SH2D4A: variants seen among roughly 807,000 people sequenced by gnomAD.
SH2D4A encodes the protein SH2 domain-containing protein 4A.
Under a neutral mutation model 64.7 loss-of-function variants are expected in SH2D4A, and 70 were observed. That is an observed-to-expected ratio of 1.08 (90% CI 0.89 to 1.32). The LOEUF (loss-of-function observed/expected upper bound fraction) is 1.32, where lower values mean the gene tolerates loss of function less well. SH2D4A is among the 40% of genes most tolerant of loss of function. The probability of loss-of-function intolerance (pLI) is 0.00; values close to 1 mark genes in which losing one functional copy is unlikely to be tolerated. For missense variants in SH2D4A, 706 were observed against 540.1 expected (o/e 1.31, Z -3.04); for synonymous variants, 268 against 200.7 (o/e 1.34, Z -2.83).
intron 4 of SH2D4A, among the ~76,000 whole-genome samples, chr8:19,354,496 G>A (rs577417771): frequency 6.6e-6 from 1 of 152,168 alleles, no homozygotes; most frequent in Non-Finnish European, 1.5e-5. Context: ...TCTGGAGTAC[G>A]TGTCTGTGCT....
chr8:19,390,614 T>C (rs2053475913), intron 8 of SH2D4A, among the ~76,000 whole-genome samples: 1 of 152,164 alleles, frequency 6.6e-6, no homozygotes, highest in Admixed American at 6.5e-5. Flanking sequence ...AGTAATCCTC[T>C]TACAAAGCAA....
chr8:19,392,687 A>T (rs1164197536), intron 8 of SH2D4A, among the ~76,000 whole-genome samples: 1 of 152,104 alleles, frequency 6.6e-6, no homozygotes, highest in African/African-American at 2.4e-5. Flanking sequence ...AAACCGTCTA[A>T]CACCTGTGTG....
chr8:19,320,302 A>G (rs1261244247), intron 2 of SH2D4A, among the ~76,000 whole-genome samples: 1 of 152,118 alleles, frequency 6.6e-6, no homozygotes, highest in Non-Finnish European at 1.5e-5. Context: ...GGTTCTTTTG[A>G]GACCATGGGG....
intron 8 of SH2D4A, 98 bp from the exon 9 acceptor site, chr8:19,393,220 A>G: frequency 9.5e-7 from 1 of 1,052,530 alleles, no homozygotes; most frequent in African/African-American, 1.6e-5. Context: ...TGTCTTATTT[A>G]GGCGTCATTG....
chr8:19,314,101 C>T, intron 1 of SH2D4A: 1 of 629,278 alleles, frequency 1.6e-6, no homozygotes, highest in South Asian at 6.9e-5. Context: ...TCCCCGGGGC[C>T]TGGGGGCTTG....
At chr8:19,374,460 T>C (rs1423597199) in intron 8 of SH2D4A, among the ~76,000 whole-genome samples, 1 of 152,190 alleles carries the variant, frequency 6.6e-6, no homozygotes, top group Non-Finnish European at 1.5e-5. Context: ...CAGAGTATGT[T>C]TGTCCTAAGC....
chr8:19,384,717 A>G (rs1431643517), intron 8 of SH2D4A, among the ~76,000 whole-genome samples: 3 of 152,208 alleles, frequency 2.0e-5, no homozygotes, highest in Admixed American at 2.0e-4. Context: ...TTTACCCACT[A>G]ACATGCTTTT....
intron 8 of SH2D4A, among the ~76,000 whole-genome samples, chr8:19,389,202 G>A (rs569703930): frequency 6.6e-6 from 1 of 152,208 alleles, no homozygotes; most frequent in Admixed American, 6.5e-5. Flanking sequence ...GGCAGTCCCT[G>A]CCACTTGGAT....
At chr8:19,384,223 G>A (rs2153651487) in intron 8 of SH2D4A, among the ~76,000 whole-genome samples, 1 of 152,288 alleles carries the variant, frequency 6.6e-6, no homozygotes, top group African/African-American at 2.4e-5. Context: ...GAAGGACAGA[G>A]GGTCAACACC....
At chr8:19,389,224 G>A (rs191639224) in intron 8 of SH2D4A, among the ~76,000 whole-genome samples, 1 of 152,342 alleles carries the variant, frequency 6.6e-6, no homozygotes, top group East Asian at 1.9e-4. Flanking sequence ...TCCAACCAGA[G>A]CCTGCTGGTG....
intron 2 of SH2D4A, among the ~76,000 whole-genome samples, chr8:19,328,582 C>T (rs78931888): frequency 1.3e-5 from 2 of 152,054 alleles, no homozygotes; most frequent in Non-Finnish European, 2.9e-5. Flanking sequence ...GACCCCTAGT[C>T]TCTCCCCATT....
intron 2 of SH2D4A, among the ~76,000 whole-genome samples, chr8:19,328,534 C>A (rs1375950389): frequency 2.6e-5 from 4 of 152,084 alleles, no homozygotes; most frequent in African/African-American, 9.7e-5. Context: ...CCTATGCCTG[C>A]CCTATTTAGG....
Position 19,369,504 on chromosome 8 carries a change from T to C in SH2D4A, c.918-4026T>C, listed in dbSNP as rs576797153. On this transcript the variant is annotated intron_variant, in intron 7 of 9. Coordinates refer to ENST00000265807, the MANE Select transcript of SH2D4A (RefSeq NM_022071.4). The stretch of plus-strand genomic sequence containing the variant: ...ATAGGACACTTTATTAATGATTCAG[T>C]CTCGTTAGTCATTATTGGTCTGTTA... 6.6e-5 allele frequency among the ~76,000 whole-genome samples: 10 copies of C among 152,176 alleles called. 1 individual carries two copies. The highest frequency in any genetic ancestry group is 2.4e-4 in the African/African-American group (10 of 41,562).
chr8:19,359,379 C>A, intron 5 of SH2D4A, among the ~76,000 whole-genome samples: 1 of 152,164 alleles, frequency 6.6e-6, no homozygotes, highest in East Asian at 1.9e-4. Flanking sequence ...AGAATCATGT[C>A]ATGTTCCAAA....
In SH2D4A at chr8:19,357,276, T is replaced by C; in HGVS notation, c.587T>C (p.Phe196Ser). The change falls in exon 5 of 10, where the codon TTT becomes TCT. Residue 196 changes from phenylalanine to serine, a missense_variant. By Grantham distance (155) the Phe-to-Ser change is radical. Transcript: ENST00000265807. ...DSINRMKAYA[F>S]HQKKESMKKK... is the part of the protein sequence containing the mutation. ...ATCAATCGTATGAAGGCATATGCAT[T>C]TCACCAGGTAAAAGACTTCCCTTCT... 4.3e-6 allele frequency: 7 copies of C among 1,612,644 alleles called. No homozygotes were observed. Among genetic ancestry groups the C allele is most frequent in the Non-Finnish European group, 5.9e-6 (7 of 1,178,660 alleles).
chr8:19,318,342 G>T (rs140970288), intron 1 of SH2D4A, among the ~76,000 whole-genome samples: 1,767 of 152,326 alleles, frequency 0.012, 22 homozygotes, highest in Middle Eastern at 0.024. Context: ...GATTACAAAA[G>T]TATGATGGTT....
intron 8 of SH2D4A, among the ~76,000 whole-genome samples, chr8:19,376,008 C>T (rs945640848): frequency 1.3e-5 from 2 of 152,160 alleles, no homozygotes; most frequent in Non-Finnish European, 2.9e-5. Flanking sequence ...GCCTCCCTTC[C>T]ATCCCTCAGA....
chr8:19,369,158 C>T (rs1344518721), intron 7 of SH2D4A, among the ~76,000 whole-genome samples: 1 of 152,074 alleles, frequency 6.6e-6, no homozygotes, highest in Non-Finnish European at 1.5e-5. Flanking sequence ...GTTGAACCAT[C>T]CTTGCGTCCC....
chr8:19,376,632 A>G (rs1484961180), intron 8 of SH2D4A, among the ~76,000 whole-genome samples: 1 of 152,118 alleles, frequency 6.6e-6, no homozygotes, highest in Admixed American at 6.6e-5. Flanking sequence ...CAAAATAATA[A>G]TAATAAAATA....
Sources: gnomAD v4.1 joint callset for allele counts (sites outside exome capture counted in the v4.1 genomes callset) on GRCh38, gnomAD v4.1.1 for gene constraint, MANE v1.5 for transcripts, NCBI Gene and HGNC (gene_info 2026-07-23, HGNC 2026-07-21) for gene names.